The following PNMA6E variants were observed in gnomAD, a reference collection of about 807,000 sequenced individuals.
PNMA6E encodes paraneoplastic antigen Ma6E.
For synonymous variants in PNMA6E, 43 were observed against 17.1 expected (o/e 2.52, Z -3.74); for missense variants, 78 against 50.8 (o/e 1.53, Z -1.63).
Position 153,397,913 on chromosome X carries a change from G to T in PNMA6E, c.937C>A (p.Leu313Met). The T allele has an allele frequency of 2.8e-6, 1 of 351,876 alleles. No individual in the cohort carries two copies. The highest frequency in any genetic ancestry group is 4.9e-6 in the Non-Finnish European group (1 of 203,232). 29.0% of individuals were successfully genotyped at this position (351,876 alleles called of 1,213,427 possible). Residue 313 changes from leucine (L) to methionine (M), a missense_variant, in exon 2 of 2, where the codon CTG (leucine) becomes ATG (methionine). Coordinates refer to ENST00000445091, the MANE Select transcript of PNMA6E (RefSeq NM_001367770.1). ...AATTCCCGGTAGGCCCTGTTTTCCA[G>T]CACAGGCTGTAGGGTGCAGCGCCAA... is the stretch of plus-strand genomic sequence containing the variant. ...QPWRCTLQPV[L>M]ENRAYRELRP... is the part of the protein sequence containing the mutation.
the PNMA6E span, among the ~76,000 whole-genome samples, chrX:153,412,136 T>C: frequency 8.9e-6 from 1 of 112,411 alleles, no homozygotes; most frequent in Non-Finnish European, 1.9e-5. Flanking sequence ...ATGCCCAAAA[T>C]TGTGCTCCAG....
the PNMA6E span, among the ~76,000 whole-genome samples, chrX:153,409,686 C>T: frequency 1.8e-5 from 2 of 112,499 alleles, no homozygotes; most frequent in South Asian, 3.7e-4. Flanking sequence ...CCCTGCTCCC[C>T]CATTTCTAAG....
chrX:153,401,823 C>T (rs1188157141), upstream of PNMA6E, among the ~76,000 whole-genome samples: 2 of 100,168 alleles, frequency 2.0e-5, no homozygotes, highest in Non-Finnish European at 4.0e-5. Flanking sequence ...CTTGTTCTGT[C>T]GCCAGGCTGG....
At chrX:153,399,208 T>C (rs1439081407) in intron 1 of PNMA6E, among the ~76,000 whole-genome samples, 2 of 112,373 alleles carry the variant, frequency 1.8e-5, no homozygotes, top group African/African-American at 6.5e-5. Context: ...TAAAAACTTG[T>C]TCACAATATT....
At position 153,396,115 on chromosome X, in the gene PNMA6E, G is replaced by A. The variant is rs541506497; in HGVS notation, c.*791C>T. The A allele has an allele frequency of 8.2e-6, 1 of 121,996 alleles. No homozygotes were observed. The highest frequency in any genetic ancestry group is 1.9e-5 in the Non-Finnish European group (1 of 53,235). The allele number at this position is 121,996 out of a possible 1,213,427, so 10.1% of individuals were successfully genotyped here. On this transcript the variant is annotated 3_prime_UTR_variant, in exon 2 of 2. Coordinates refer to ENST00000445091, the MANE Select transcript of PNMA6E (RefSeq NM_001367770.1). ...TCAGGGTCACCATCGTGGTCACGGGGTGAGCGTCCGCCGTGCCCTGGTGCC... is the reference window on the plus strand; with the variant it reads ...TCAGGGTCACCATCGTGGTCACGGGATGAGCGTCCGCCGTGCCCTGGTGCC...
chrX:153,410,830 T>A, the PNMA6E span, among the ~76,000 whole-genome samples: 1 of 112,316 alleles, frequency 8.9e-6, no homozygotes, highest in Non-Finnish European at 1.9e-5. Context: ...CGCTTCACTA[T>A]TTGTCAAAGG....
chrX:153,404,734 G>A (rs1303484419), upstream of PNMA6E, among the ~76,000 whole-genome samples: 1 of 111,763 alleles, frequency 8.9e-6, no homozygotes, highest in South Asian at 3.8e-4. Context: ...CAAATACGGG[G>A]CTCCTCCACA....
At chrX:153,411,725 G>T in the PNMA6E span, among the ~76,000 whole-genome samples, 2 of 113,107 alleles carry the variant, frequency 1.8e-5, no homozygotes, top group East Asian at 5.6e-4. Context: ...GAGCTGGGCC[G>T]CAGGGGTGCG....
chrX:153,401,462 A>G (rs1294940693), upstream of PNMA6E: 1 of 111,521 alleles, frequency 9.0e-6, no homozygotes, highest in African/African-American at 3.3e-5. Flanking sequence ...GTCGCTATGC[A>G]AGGCAAATGA....
At chrX:153,409,561 C>T in the PNMA6E span, among the ~76,000 whole-genome samples, 8 of 113,235 alleles carry the variant, frequency 7.1e-5, no homozygotes, top group Admixed American at 7.4e-4. Context: ...GGATCGTGGG[C>T]TTGTCAAGGT....
chrX:153,396,939 G>C lies in PNMA6E; in HGVS notation c.1911C>G (p.Asp637Glu). 3.4e-6 allele frequency: 1 copy of C among 297,686 alleles called. No individual in the cohort carries two copies. Among genetic ancestry groups the C allele is most frequent in the Non-Finnish European group, 5.9e-6 (1 of 170,253 alleles). 24.5% of individuals were successfully genotyped at this position (297,686 alleles called of 1,213,427 possible). Residue 637 changes from aspartate to glutamate, a missense_variant, in exon 2 of 2, where the codon GAC becomes GAG. Physicochemically the swap from Asp to Glu is conservative, Grantham distance 45. Transcript: ENST00000445091. ...CCTGGGAGGACTTGGGCTGGCCCTC[G>C]TCCCCGGCCCCATCCTCATCCTCGT... ...PENEDEDGAG[D>E]EGQPKSSQGK
At chrX:153,407,303 G>T in the PNMA6E span, among the ~76,000 whole-genome samples, 20 of 111,752 alleles carry the variant, frequency 1.8e-4, no homozygotes, top group Non-Finnish European at 3.4e-4. Context: ...TCACCTGAAG[G>T]AATGTCTGGA....
the PNMA6E span, among the ~76,000 whole-genome samples, chrX:153,409,588 A>AG: frequency 1.8e-5 from 2 of 113,131 alleles, no homozygotes; most frequent in Non-Finnish European, 3.8e-5. Flanking sequence ...CACTTGCTCT[A>AG]GGCGTCGCGC....
At chrX:153,402,016 G>A (rs889993469), upstream of PNMA6E, among the ~76,000 whole-genome samples, 3 of 109,398 alleles carry the variant, frequency 2.7e-5, no homozygotes, top group Admixed American at 1.9e-4. Context: ...GTAGAGACGG[G>A]GTTTCACCAT....
At chrX:153,400,350 C>T (rs1336683703) in intron 1 of PNMA6E, among the ~76,000 whole-genome samples, 2 of 112,810 alleles carry the variant, frequency 1.8e-5, no homozygotes, top group African/African-American at 6.4e-5. Context: ...GCTCCGCACC[C>T]CGTGCACCCT....
At position 153,396,102 on chromosome X, in the gene PNMA6E, T is replaced by C. The variant is rs2088801079; in HGVS notation, c.*804A>G. On this transcript the variant is annotated 3_prime_UTR_variant, in exon 2 of 2. Transcript: ENST00000445091. ...CTTCTTCCCGCAGTCAGGGTCACCA[T>C]CGTGGTCACGGGGTGAGCGTCCGCC... is the stretch of plus-strand genomic sequence containing the variant. 8.3e-6 allele frequency: 1 copy of C among 120,982 alleles called. No homozygotes were observed. The highest frequency in any genetic ancestry group is 1.9e-5 in the Non-Finnish European group (1 of 53,041). The allele number at this position is 120,982 out of a possible 1,213,427, so 10.0% of individuals were successfully genotyped here.
At chrX:153,412,270 G>A in the PNMA6E span, among the ~76,000 whole-genome samples, 1 of 112,282 alleles carries the variant, frequency 8.9e-6, no homozygotes, top group Non-Finnish European at 1.9e-5. Context: ...TGGAAGTGGT[G>A]GGCAAGGGTG....
the PNMA6E span, among the ~76,000 whole-genome samples, chrX:153,411,461 G>T: frequency 9.0e-6 from 1 of 110,898 alleles, no homozygotes; most frequent in Non-Finnish European, 1.9e-5. Context: ...CGCTGCCGCC[G>T]CCCCGGCCCC....
chrX:153,412,695 C>T, the PNMA6E span, among the ~76,000 whole-genome samples: 3 of 111,532 alleles, frequency 2.7e-5, no homozygotes, highest in African/African-American at 9.8e-5. Context: ...TGGCCTGGCT[C>T]AAGGGAGCAA....
Sources: gnomAD v4.1 joint callset for allele counts (sites outside exome capture counted in the v4.1 genomes callset) on GRCh38, gnomAD v4.1.1 for gene constraint, MANE v1.5 for transcripts, NCBI Gene and HGNC (gene_info 2026-07-23, HGNC 2026-07-21) for gene names.